The following CNTNAP2 variants were observed in gnomAD, a reference collection of about 807,000 sequenced individuals.
CNTNAP2 encodes the protein contactin-associated protein-like 2.
In CNTNAP2, 98 loss-of-function variants were observed where a neutral mutation model predicts 155.2. The ratio of observed to expected loss-of-function variants is 0.63; its 90% CI spans 0.54 to 0.75. The LOEUF (loss-of-function observed/expected upper bound fraction) is 0.75, where lower values mean the gene tolerates loss of function less well. Ranked by LOEUF, CNTNAP2 falls within the 30% of genes least tolerant of loss-of-function variation. The pLI is 0.00. For missense variants in CNTNAP2, 1,727 were observed against 1,688.1 expected (o/e 1.02, Z -0.40); for synonymous variants, 651 against 631.2 (o/e 1.03, Z -0.47).
chr7:148,029,794 T>C (rs996050487), intron 15 of CNTNAP2, among the ~76,000 whole-genome samples: 1 of 152,210 alleles, frequency 6.6e-6, no homozygotes, highest in Non-Finnish European at 1.5e-5. Flanking sequence ...ACTATCTAAC[T>C]GTCTGATGAT....
chr7:147,351,990 A>G (rs1330583066), intron 9 of CNTNAP2, among the ~76,000 whole-genome samples: 1 of 151,936 alleles, frequency 6.6e-6, no homozygotes, highest in Non-Finnish European at 1.5e-5. Context: ...AAAATGTGCC[A>G]ATTCTTCAAT....
chr7:146,607,110 C>T (rs1344426876), intron 1 of CNTNAP2, among the ~76,000 whole-genome samples: 4 of 152,100 alleles, frequency 2.6e-5, no homozygotes, highest in African/African-American at 9.7e-5. Context: ...ATATTTCTAA[C>T]ATTATTATTA....
chr7:148,292,476 T>C (rs1797205198), intron 21 of CNTNAP2, among the ~76,000 whole-genome samples: 1 of 152,170 alleles, frequency 6.6e-6, no homozygotes, highest in Non-Finnish European at 1.5e-5. Flanking sequence ...TTTGTAGTGA[T>C]GAAAACAAAG....
At chr7:146,609,756 G>A (rs1163188548) in intron 1 of CNTNAP2, among the ~76,000 whole-genome samples, 2 of 152,164 alleles carry the variant, frequency 1.3e-5, no homozygotes, top group African/African-American at 4.8e-5. Flanking sequence ...ACTTTGCATG[G>A]CATTGTTGTG....
chr7:146,531,272 A>G (rs994763200), intron 1 of CNTNAP2, among the ~76,000 whole-genome samples: 3 of 152,110 alleles, frequency 2.0e-5, no homozygotes, highest in Non-Finnish European at 4.4e-5. Context: ...ATTTAGGACT[A>G]TGCTTATTAC....
chr7:148,307,917 G>A (rs1797517725), intron 21 of CNTNAP2, among the ~76,000 whole-genome samples: 1 of 152,080 alleles, frequency 6.6e-6, no homozygotes, highest in Non-Finnish European at 1.5e-5. Flanking sequence ...AGGTTGCAGT[G>A]AGCTGAGATC....
chr7:147,932,695 A>C (rs940639257), intron 14 of CNTNAP2, among the ~76,000 whole-genome samples: 11 of 152,218 alleles, frequency 7.2e-5, no homozygotes, highest in African/African-American at 2.7e-4. Context: ...CAACAAAAGC[A>C]AAAACAGAGC....
At chr7:147,649,507 T>G (rs919193915) in intron 13 of CNTNAP2, among the ~76,000 whole-genome samples, 4 of 152,182 alleles carry the variant, frequency 2.6e-5, no homozygotes, top group Non-Finnish European at 5.9e-5. Context: ...TTAATCTTTT[T>G]TAAACAAAGA....
intron 1 of CNTNAP2, among the ~76,000 whole-genome samples, chr7:146,371,067 A>T (rs1795226667): frequency 6.6e-6 from 1 of 152,090 alleles, no homozygotes; most frequent in Non-Finnish European, 1.5e-5. Context: ...AGATGTAATA[A>T]TGATTTTTTT....
intron 20 of CNTNAP2, among the ~76,000 whole-genome samples, chr7:148,246,785 A>G (rs916075343): frequency 6.6e-6 from 1 of 152,194 alleles, no homozygotes; most frequent in Non-Finnish European, 1.5e-5. Context: ...TAGGGGAATG[A>G]CTCAGTGGTA....
At chr7:146,191,672 TC>T (rs1374551309) in intron 1 of CNTNAP2, among the ~76,000 whole-genome samples, 4 of 152,172 alleles carry the variant, frequency 2.6e-5, no homozygotes, top group African/African-American at 9.6e-5. Context: ...GAATGCGTTC[TC>T]TTTCTCAGGG....
At chr7:148,110,976 A>G (rs1358693211) in intron 15 of CNTNAP2, among the ~76,000 whole-genome samples, 3 of 152,222 alleles carry the variant, frequency 2.0e-5, no homozygotes, top group Non-Finnish European at 4.4e-5. Flanking sequence ...TTCTTCTCTC[A>G]AGATATTGAA....
At chr7:146,441,322 AG>A (rs754215100) in intron 1 of CNTNAP2, among the ~76,000 whole-genome samples, 3 of 151,430 alleles carry the variant, frequency 2.0e-5, no homozygotes, top group Non-Finnish European at 4.4e-5. Flanking sequence ...TTTGTGACTA[AG>A]TTTCAGAGGA....
chr7:147,994,830 C>T (rs1251289039), intron 15 of CNTNAP2, among the ~76,000 whole-genome samples: 2 of 152,088 alleles, frequency 1.3e-5, no homozygotes, highest in Admixed American at 6.5e-5. Flanking sequence ...CTTCTGGACA[C>T]CAGTGTAGTT....
At chr7:147,971,647 T>G (rs532310643) in intron 14 of CNTNAP2, among the ~76,000 whole-genome samples, 16 of 152,364 alleles carry the variant, frequency 1.1e-4, no homozygotes, top group Admixed American at 2.0e-4. Flanking sequence ...CTTTATTGTC[T>G]AATAATATTT....
At chr7:147,333,795 G>A (rs748546958) in intron 9 of CNTNAP2, among the ~76,000 whole-genome samples, 5 of 152,094 alleles carry the variant, frequency 3.3e-5, no homozygotes, top group Non-Finnish European at 7.3e-5. Context: ...GGAAAATGCT[G>A]GTGATTTTTA....
intron 9 of CNTNAP2, among the ~76,000 whole-genome samples, chr7:147,324,170 G>T (rs139859846): frequency 6.6e-6 from 1 of 152,224 alleles, no homozygotes; most frequent in African/African-American, 2.4e-5. Flanking sequence ...GGTGTATTAG[G>T]TGAACAACTA....
intron 12 of CNTNAP2, among the ~76,000 whole-genome samples, chr7:147,619,413 T>G (rs1172613992): frequency 6.6e-6 from 1 of 152,226 alleles, no homozygotes; most frequent in Admixed American, 6.5e-5. Context: ...AAATTGTTCA[T>G]ATCCATTTGT....
intron 13 of CNTNAP2, among the ~76,000 whole-genome samples, chr7:147,690,855 T>C (rs540177526): frequency 2.0e-5 from 3 of 152,166 alleles, no homozygotes; most frequent in African/African-American, 7.2e-5. Flanking sequence ...GATGAAAAAA[T>C]TATATTGTAT....
Sources: allele counts gnomAD v4.1 joint callset (sites outside exome capture counted in the v4.1 genomes callset), GRCh38; gene constraint gnomAD v4.1.1; transcripts MANE v1.5; gene names NCBI Gene and HGNC (gene_info 2026-07-23, HGNC 2026-07-21).